The following FKTN variants were observed in gnomAD, a reference collection of about 807,000 sequenced individuals.
FKTN encodes the protein fukutin, also known as ribitol-5-phosphate transferase FKTN.
In FKTN, 47 loss-of-function variants were observed where a neutral mutation model predicts 58.6. The ratio of observed to expected loss-of-function variants is 0.80; its 90% CI spans 0.63 to 1.02. FKTN has a LOEUF of 1.02. Among genes scored for constraint, FKTN ranks in the 50% least tolerant of loss-of-function variants. The pLI is 0.00. For missense variants in FKTN, 516 were observed against 537.3 expected (o/e 0.96, Z 0.39); for synonymous variants, 178 against 191.9 (o/e 0.93, Z 0.60).
intron 1 of FKTN, among the ~76,000 whole-genome samples, chr9:105,560,873 G>A (rs1237901595): frequency 6.6e-6 from 1 of 152,112 alleles, no homozygotes; most frequent in African/African-American, 2.4e-5. Context: ...TGGATCACGA[G>A]GTCAAGAGAT....
chr9:105,600,451 AT>A (rs1278053067), intron 4 of FKTN, among the ~76,000 whole-genome samples: 2 of 152,130 alleles, frequency 1.3e-5, no homozygotes, highest in Non-Finnish European at 2.9e-5. Flanking sequence ...GTTCTTAGAT[AT>A]TACTTATTCC....
Position 105,639,375 on chromosome 9 carries a change from T to A in FKTN, c.*4111T>A. 2.4e-6 allele frequency: 2 copies of A among 825,640 alleles called. No individual in the cohort carries two copies. The highest frequency in any genetic ancestry group is 2.9e-6 in the Non-Finnish European group (2 of 684,136). The allele number at this position is 825,640 out of a possible 1,614,324, so 51.1% of individuals were successfully genotyped here. Reference sequence around the variant, plus strand: ...TTAGGCCTGAATTTGAATTTCAGCTTAATCATGTGGGATTTATGGTGGGGG... The same window carrying A: ...TTAGGCCTGAATTTGAATTTCAGCTAAATCATGTGGGATTTATGGTGGGGG... On this transcript the variant is annotated 3_prime_UTR_variant, in exon 11 of 11. Transcript: ENST00000357998.
At chr9:105,600,267 C>G (rs1461580180) in intron 4 of FKTN, among the ~76,000 whole-genome samples, 12 of 151,982 alleles carry the variant, frequency 7.9e-5, no homozygotes, top group Non-Finnish European at 1.6e-4. Context: ...GATATTTTGT[C>G]TATTTATTTA....
chr9:105,619,692 C>T (rs530428813), intron 9 of FKTN, among the ~76,000 whole-genome samples: 1 of 152,016 alleles, frequency 6.6e-6, no homozygotes, highest in South Asian at 2.1e-4. Flanking sequence ...AAGTCATTTA[C>T]TCTGAGTTAT....
In FKTN at chr9:105,640,898, C is replaced by T. The variant is rs1834378022; in HGVS notation, c.*5634C>T. On this transcript the variant is annotated 3_prime_UTR_variant, in exon 11 of 11. Transcript: ENST00000357998. ...TTATGTAGCTATTTGTGTGTCCCTC[C>T]CACTTCATAACTACAAAAACATATA... 1 of 152,034 alleles carries T rather than the reference C, an allele frequency of 6.6e-6. No individual in the cohort carries two copies. The highest frequency in any genetic ancestry group is 1.5e-5 in the Non-Finnish European group (1 of 68,002). The allele number at this position is 152,034 out of a possible 1,614,324, so 9.4% of individuals were successfully genotyped here.
chr9:105,632,418 A>AT (rs1259391775), intron 10 of FKTN, among the ~76,000 whole-genome samples: 1 of 118,024 alleles, frequency 8.5e-6, no homozygotes, highest in African/African-American at 3.5e-5. Context: ...TAAAAGTATA[A>AT]TAAAAAAAAA....
In FKTN at chr9:105,615,411, A is replaced by G; in HGVS notation, c.910+4A>G. 6.2e-7 allele frequency: 1 copy of G among 1,613,976 alleles called. No individual in the cohort carries two copies. The highest frequency in any genetic ancestry group is 8.5e-7 in the Non-Finnish European group (1 of 1,179,868). On this transcript the variant is annotated splice_donor_region_variant and intron_variant, in intron 8 of 10. Coordinates refer to ENST00000357998, the MANE Select transcript of FKTN (RefSeq NM_001079802.2). ...CTGAGCAGTGGAACTTGTCTAGGTA[A>G]AATTCTTACGACTTTCCATTTGTCT...
intron 3 of FKTN, 68 bp from the exon 4 acceptor site, chr9:105,596,530 C>A: frequency 2.1e-6 from 2 of 964,382 alleles, no homozygotes; most frequent in Non-Finnish European, 3.4e-6. Flanking sequence ...AATCTCATGC[C>A]TAACTGAAAT....
In FKTN at chr9:105,620,803, TA is replaced by T; in HGVS notation, c.1172+743del. On this transcript the variant is annotated intron_variant, in intron 10 of 10. Transcript: ENST00000357998. ...GTAGTAGTAGTAGTAGTAGTAGTAG[TA>T]GTAGTAGTAGTAGTAGTAAAGAAAA... Among the ~76,000 whole-genome samples the T allele has an allele frequency of 1.3e-5, 2 of 151,354 alleles. 1 individual carries two copies. Among genetic ancestry groups the T allele is most frequent in the East Asian group, 3.9e-4 (2 of 5,170 alleles).
chr9:105,608,063 C>A (rs564570004), intron 7 of FKTN, 112 bp downstream of exon 7: 15 of 853,112 alleles, frequency 1.8e-5, no homozygotes, highest in African/African-American at 5.1e-5. Flanking sequence ...AGTAAACATC[C>A]TTTTTTGATA....
chr9:105,570,533 G>A (rs759685154), intron 1 of FKTN, among the ~76,000 whole-genome samples: 5 of 152,190 alleles, frequency 3.3e-5, no homozygotes, highest in East Asian at 1.9e-4. Context: ...TGGGGCTTGC[G>A]CATTTTGGAA....
intron 7 of FKTN, 75 bp downstream of exon 7, chr9:105,608,026 G>A: frequency 8.2e-7 from 1 of 1,216,890 alleles, no homozygotes. Context: ...AGGGTGGTAA[G>A]ATGAAGGGGC....
intron 3 of FKTN, among the ~76,000 whole-genome samples, chr9:105,591,188 C>G (rs1026195872): frequency 3.9e-5 from 6 of 152,112 alleles, no homozygotes. Flanking sequence ...GCCCCTGGCC[C>G]CTCACACCTC....
chr9:105,597,013 GA>G (rs1346270982), intron 4 of FKTN, among the ~76,000 whole-genome samples: 1 of 152,066 alleles, frequency 6.6e-6, no homozygotes, highest in African/African-American at 2.4e-5. Flanking sequence ...AGATTTATTT[GA>G]ATAAGGGAAA....
intron 3 of FKTN, among the ~76,000 whole-genome samples, chr9:105,583,268 A>C (rs1843349390): frequency 6.6e-6 from 1 of 152,192 alleles, no homozygotes; most frequent in Non-Finnish European, 1.5e-5. Context: ...AGTTGAGTAG[A>C]TCTTGTTCTT....
rs2133474730 is a variant in FKTN, at chr9:105,638,057, A to G, written c.*2793A>G. ...CTGCTTTTGAATCTTAAAAGCTAGA[A>G]AAACCATAATGTAATATTCTTTTTA... On this transcript the variant is annotated 3_prime_UTR_variant, in exon 11 of 11. Coordinates refer to ENST00000357998, the MANE Select transcript of FKTN (RefSeq NM_001079802.2). 1 of 976,672 alleles carries G rather than the reference A, an allele frequency of 1.0e-6. No homozygotes were observed. The highest frequency in any genetic ancestry group is 5.3e-4 in the Middle Eastern group (1 of 1,892). 60.5% of individuals were successfully genotyped at this position (976,672 alleles called of 1,614,324 possible).
At position 105,579,382 on chromosome 9, in the gene FKTN, T is replaced by C. The variant is rs185751345; in HGVS notation, c.105+4245T>C. On this transcript the variant is annotated intron_variant, in intron 3 of 10. Coordinates refer to ENST00000357998, the MANE Select transcript of FKTN (RefSeq NM_001079802.2). ...TATGTCGTGTCTTTGTTCTCGTTGGTTTCAAAGAACATCTTTATTTCTGCC... is the reference window on the plus strand; with the variant it reads ...TATGTCGTGTCTTTGTTCTCGTTGGCTTCAAAGAACATCTTTATTTCTGCC... 4.1e-3 allele frequency among the ~76,000 whole-genome samples: 621 copies of C among 152,250 alleles called. 7 individuals carry two copies. The highest frequency in any genetic ancestry group is 3.5e-3 in the Non-Finnish European group (236 of 68,010).
intron 3 of FKTN, among the ~76,000 whole-genome samples, chr9:105,589,200 C>T (rs1844417821): frequency 6.6e-6 from 1 of 152,124 alleles, no homozygotes; most frequent in Non-Finnish European, 1.5e-5. Flanking sequence ...TACATTCTTT[C>T]TGAAGAAGGG....
intron 10 of FKTN, chr9:105,622,984 C>T (rs1832223338): frequency 6.6e-6 from 1 of 152,094 alleles, no homozygotes; most frequent in South Asian, 2.1e-4. Context: ...GGAAGCCCTT[C>T]TTTTACCTGA....
Sources: gnomAD v4.1 joint callset for allele counts (sites outside exome capture counted in the v4.1 genomes callset) on GRCh38, gnomAD v4.1.1 for gene constraint, MANE v1.5 for transcripts, NCBI Gene and HGNC (gene_info 2026-07-23, HGNC 2026-07-21) for gene names.